The following NEDD4 variants were observed in gnomAD, a reference collection of about 807,000 sequenced individuals.
NEDD4 encodes NEDD4 E3 ubiquitin protein ligase.
Under a neutral mutation model 144.9 loss-of-function variants are expected in NEDD4, and 99 were observed. The observed-to-expected ratio is 0.68, with a 90% confidence interval of 0.58 to 0.81. The LOEUF is 0.81. NEDD4 is among the 30% of genes least tolerant of loss of function. The pLI is 0.00. For missense variants in NEDD4, 985 were observed against 1,065.9 expected (o/e 0.92, Z 1.06); for synonymous variants, 318 against 350.6 (o/e 0.91, Z 1.04).
chr15:55,980,505 G>C (rs1267006916), intron 1 of NEDD4, among the ~76,000 whole-genome samples: 1 of 152,198 alleles, frequency 6.6e-6, no homozygotes, highest in Non-Finnish European at 1.5e-5. Flanking sequence ...TCTACTGTGA[G>C]AGGCTCCAGT....
intron 4 of NEDD4, among the ~76,000 whole-genome samples, chr15:55,928,850 G>C (rs2036726064): frequency 6.6e-6 from 1 of 152,076 alleles, no homozygotes; most frequent in Non-Finnish European, 1.5e-5. Context: ...GTTGCTTTTT[G>C]TATTTCAGAA....
intron 17 of NEDD4, among the ~76,000 whole-genome samples, chr15:55,848,150 C>T (rs2033825685): frequency 6.6e-6 from 1 of 152,238 alleles, no homozygotes; most frequent in Non-Finnish European, 1.5e-5. Flanking sequence ...TTCTGACTGT[C>T]TGGCTCACTT....
At chr15:55,890,940 C>G (rs1288040336) in intron 5 of NEDD4, among the ~76,000 whole-genome samples, 1 of 152,172 alleles carries the variant, frequency 6.6e-6, no homozygotes, top group African/African-American at 2.4e-5. Context: ...CCTAAAATCT[C>G]TTACAATCTT....
intron 1 of NEDD4, among the ~76,000 whole-genome samples, chr15:55,972,156 TTAA>T (rs1405449461): frequency 2.6e-5 from 4 of 152,162 alleles, no homozygotes; most frequent in Admixed American, 1.3e-4. Flanking sequence ...GAAAAGGATA[TTAA>T]TAAGCGATAA....
At chr15:55,860,873 C>T (rs2034378374) in intron 9 of NEDD4, 95 bp from the exon 10 acceptor site, 2 of 1,067,342 alleles carry the variant, frequency 1.9e-6, no homozygotes, top group East Asian at 2.4e-5. Flanking sequence ...ATCTACATTA[C>T]ATCAATAAAA....
intron 8 of NEDD4, among the ~76,000 whole-genome samples, chr15:55,864,386 TA>T (rs141543647): frequency 0.14 from 20,831 of 147,514 alleles, 1,580 homozygotes; most frequent in East Asian, 0.36. Context: ...GTATTATGAT[TA>T]AAAAAAAAAA....
At chr15:55,980,740 A>G (rs1407833350) in intron 1 of NEDD4, among the ~76,000 whole-genome samples, 2 of 152,166 alleles carry the variant, frequency 1.3e-5, no homozygotes, top group African/African-American at 2.4e-5. Context: ...GCTGTCTTCA[A>G]CAAGAACAAG....
chr15:55,903,822 C>A (rs1188948137), intron 5 of NEDD4, among the ~76,000 whole-genome samples: 1 of 80,342 alleles, frequency 1.2e-5, no homozygotes, highest in African/African-American at 5.2e-5. Flanking sequence ...GAGACTCCAT[C>A]TCAAAAAAAA....
At chr15:55,885,351 A>T (rs1253074823) in intron 5 of NEDD4, among the ~76,000 whole-genome samples, 5 of 152,204 alleles carry the variant, frequency 3.3e-5, no homozygotes, top group Non-Finnish European at 7.3e-5. Context: ...ACAGGAAATT[A>T]TCTGAAGGTA....
intron 1 of NEDD4, among the ~76,000 whole-genome samples, chr15:55,970,019 G>C (rs576531560): frequency 6.9e-4 from 105 of 152,306 alleles, no homozygotes; most frequent in African/African-American, 2.4e-3. Context: ...CTCTGGGCCA[G>C]AAGGAAACCC....
At chr15:55,837,768 C>T (rs56408897) in intron 24 of NEDD4, 21 bp downstream of exon 24, 1 of 1,590,878 alleles carries the variant, frequency 6.3e-7, no homozygotes, top group East Asian at 2.2e-5. Context: ...TATGGAAGAG[C>T]AAATAAAAGA....
At chr15:55,954,512 T>C (rs2037301682) in intron 2 of NEDD4, among the ~76,000 whole-genome samples, 2 of 152,032 alleles carry the variant, frequency 1.3e-5, no homozygotes, top group Admixed American at 6.6e-5. Context: ...ACACAGACAC[T>C]GTGTTCAAGA....
intron 5 of NEDD4, among the ~76,000 whole-genome samples, chr15:55,896,908 TG>T (rs2035755956): frequency 6.6e-6 from 1 of 151,722 alleles, no homozygotes; most frequent in African/African-American, 2.4e-5. Flanking sequence ...TTATTAAACA[TG>T]ATAATTTATA....
chr15:55,983,416 A>G (rs1293543227), intron 1 of NEDD4, among the ~76,000 whole-genome samples: 2 of 152,076 alleles, frequency 1.3e-5, no homozygotes, highest in African/African-American at 4.8e-5. Context: ...TCATCTGCTG[A>G]CGTTGTGCCT....
chr15:55,871,484 C>G (rs147110381), intron 7 of NEDD4, among the ~76,000 whole-genome samples: 5 of 151,996 alleles, frequency 3.3e-5, no homozygotes, highest in African/African-American at 1.2e-4. Flanking sequence ...CTAGGACAAT[C>G]AAATAAGAAA....
chr15:55,829,646 G>A lies in NEDD4; in HGVS notation c.*251C>T, dbSNP rs372105917. The A allele has an allele frequency of 1.1e-3, 398 of 369,194 alleles. 1 individual carries two copies. In the Middle Eastern group the frequency reaches 0.014, roughly 13 times the overall value. The allele number at this position is 369,194 out of a possible 1,614,324, so 22.9% of individuals were successfully genotyped here. A position where few individuals can be genotyped will look rare whatever the true frequency, so the allele number is the denominator to read the frequency against. On this transcript the variant is annotated 3_prime_UTR_variant, in exon 29 of 29. Coordinates refer to ENST00000435532, the MANE Select transcript of NEDD4 (RefSeq NM_006154.4). ...TTGTGTGAACTCTAAAGCCAGGTGT[G>A]GTGGTGCCTGGCTTTAGGCAGGCAC... is the stretch of plus-strand genomic sequence containing the variant.
chr15:55,923,949 T>G (rs564147044), intron 5 of NEDD4, among the ~76,000 whole-genome samples: 15 of 152,224 alleles, frequency 9.9e-5, no homozygotes, highest in African/African-American at 3.6e-4. Context: ...TATACTTACC[T>G]GTTCAAATCT....
At chr15:55,992,828 T>C (rs1259548449) in intron 1 of NEDD4, among the ~76,000 whole-genome samples, 2 of 152,226 alleles carry the variant, frequency 1.3e-5, no homozygotes, top group Admixed American at 6.5e-5. Flanking sequence ...GGAACAGATG[T>C]GGTAACTTCT....
chr15:55,833,149 A>G (rs1274490618), intron 26 of NEDD4, 45 bp from the exon 27 acceptor site: 2 of 1,208,616 alleles, frequency 1.7e-6, no homozygotes, highest in Non-Finnish European at 2.4e-6. Flanking sequence ...ACTGGGAAAG[A>G]GGTAAACAAA....
Sources: allele counts gnomAD v4.1 joint callset (sites outside exome capture counted in the v4.1 genomes callset), GRCh38; gene constraint gnomAD v4.1.1; transcripts MANE v1.5; gene names NCBI Gene and HGNC (gene_info 2026-07-23, HGNC 2026-07-21).